TTC21B: variants seen among roughly 807,000 people sequenced by gnomAD.
TTC21B encodes the protein tetratricopeptide repeat protein 21B.
TTC21B carries 127 observed loss-of-function variants against 175.1 expected under a neutral mutation model. That is an observed-to-expected ratio of 0.73 (90% CI 0.63 to 0.84). TTC21B has a LOEUF of 0.84. TTC21B is among the 40% of genes least tolerant of loss of function. TTC21B has a pLI of 0.00. For missense variants in TTC21B, 1,561 were observed against 1,558.3 expected (o/e 1.00, Z -0.03); for synonymous variants, 524 against 524.5 (o/e 1.00, Z 0.01).
At chr2:165,920,337 A>G (rs1470234040) in intron 12 of TTC21B, among the ~76,000 whole-genome samples, 1 of 152,216 alleles carries the variant, frequency 6.6e-6, no homozygotes, top group Non-Finnish European at 1.5e-5. Context: ...GGTAACAGAC[A>G]TGCACTGAGA....
At chr2:165,946,889 T>C (rs113803722) in intron 3 of TTC21B, among the ~76,000 whole-genome samples, 3,108 of 151,998 alleles carry the variant, frequency 0.02, 112 homozygotes, top group African/African-American at 0.071. Flanking sequence ...ATTCCCAAAA[T>C]AGAAAGGCTG....
chr2:165,931,480 C>T (rs1686904258), intron 8 of TTC21B, among the ~76,000 whole-genome samples: 1 of 152,000 alleles, frequency 6.6e-6, no homozygotes, highest in Non-Finnish European at 1.5e-5. Context: ...AAATCTTATG[C>T]TCTGATGAAA....
chr2:165,917,713 A>G (rs774198929), intron 13 of TTC21B, among the ~76,000 whole-genome samples: 9 of 152,174 alleles, frequency 5.9e-5, no homozygotes, highest in Non-Finnish European at 1.3e-4. Context: ...TTGATTACAT[A>G]TTTCTACTGT....
intron 1 of TTC21B, among the ~76,000 whole-genome samples, chr2:165,950,949 T>C (rs1231947194): frequency 6.6e-6 from 1 of 152,216 alleles, no homozygotes; most frequent in Non-Finnish European, 1.5e-5. Flanking sequence ...TGGAGGGCTA[T>C]AGTCCATGTA....
chr2:165,931,841 C>T lies in TTC21B; in HGVS notation c.811G>A (p.Glu271Lys). 6.2e-7 allele frequency: 1 copy of T among 1,613,064 alleles called. No individual in the cohort carries two copies. The highest frequency in any genetic ancestry group is 1.1e-5 in the South Asian group (1 of 91,062). The stretch of plus-strand genomic sequence containing the variant: ...GCATCCAATGTATTTCCCAAGTTTT[C>T]CAGCTTGGTGGAAGCCTAAAACAAA... ...GDIEKASTKL[E>K]NLGNTLDAME... The change falls in exon 8 of 29, where the codon GAA (glutamate) becomes AAA (lysine). Residue 271 changes from glutamate to lysine, a missense_variant. Transcript: ENST00000243344.
chr2:165,922,566 C>CAAAAAAAAAAAAAAAAA lies in TTC21B; in HGVS notation c.1516+1966_1516+1982dup, dbSNP rs71031215. ...GCCGGAATAGCCACTATTAAAAAGT[C>CAAAAAAAAAAAAAAAAA]AAAAAAAAAAAAAAAAAAAAGACGT... On this transcript the variant is annotated intron_variant, in intron 12 of 28. Coordinates refer to ENST00000243344, the MANE Select transcript of TTC21B (RefSeq NM_024753.5). Among the ~76,000 whole-genome samples the CAAAAAAAAAAAAAAAAA allele has an allele frequency of 6.2e-5, 6 of 97,430 alleles. 2 individuals carry two copies. The highest frequency in any genetic ancestry group is 8.1e-5 in the Non-Finnish European group (4 of 49,144). The allele number at this position is 97,430 out of a possible 152,430, so 63.9% of individuals were successfully genotyped here. A position where few individuals can be genotyped will look rare whatever the true frequency, so the allele number is the denominator to read the frequency against.
intron 5 of TTC21B, among the ~76,000 whole-genome samples, chr2:165,942,151 T>A (rs887643802): frequency 6.6e-6 from 1 of 152,164 alleles, no homozygotes; most frequent in Non-Finnish European, 1.5e-5. Context: ...CACAAGATGT[T>A]CAACAGGCTT....
Position 165,949,613 on chromosome 2 carries a change from A to G in TTC21B, c.133T>C (p.Tyr45His). Residue 45 changes from tyrosine (Y) to histidine (H), a missense_variant, in exon 2 of 29, where the codon TAT (tyrosine) becomes CAT (histidine). Coordinates refer to ENST00000243344, the MANE Select transcript of TTC21B (RefSeq NM_024753.5). ...SDPVFRFYHA[Y>H]GTLMEGKTQE... ...CACGTACCTTCCATTAATGTGCCAT[A>G]GGCATGATAAAACCTGAAGACTGGA... The G allele has an allele frequency of 1.2e-6, 2 of 1,613,800 alleles. No homozygotes were observed. The highest frequency in any genetic ancestry group is 1.1e-5 in the South Asian group (1 of 91,074).
intron 11 of TTC21B, among the ~76,000 whole-genome samples, chr2:165,925,516 A>G (rs1321063425): frequency 6.6e-6 from 1 of 152,128 alleles, no homozygotes; most frequent in Non-Finnish European, 1.5e-5. Context: ...AAGCTCTTCA[A>G]TTGGACTGTG....
intron 4 of TTC21B, among the ~76,000 whole-genome samples, chr2:165,944,729 T>C (rs1392367647): frequency 2.0e-5 from 3 of 152,152 alleles, no homozygotes; most frequent in Non-Finnish European, 4.4e-5. Context: ...CTCCAAGCTT[T>C]TCTTCCCTTC....
chr2:165,891,080 C>T, intron 22 of TTC21B, 92 bp from the exon 23 acceptor site: 1 of 1,102,984 alleles, frequency 9.1e-7, no homozygotes, highest in Non-Finnish European at 1.3e-6. Flanking sequence ...TAATTTACTT[C>T]ATATAAAGTA....
At chr2:165,917,001 C>T (rs547604796) in intron 14 of TTC21B, among the ~76,000 whole-genome samples, 8 of 152,120 alleles carry the variant, frequency 5.3e-5, no homozygotes, top group Admixed American at 1.3e-4. Context: ...CTCAGCCTCC[C>T]GAGCAGCTGG....
At chr2:165,950,899 C>A (rs540182803) in intron 1 of TTC21B, among the ~76,000 whole-genome samples, 3 of 152,170 alleles carry the variant, frequency 2.0e-5, no homozygotes, top group Non-Finnish European at 4.4e-5. Context: ...TGAGCCACCA[C>A]GCCCGTCCGA....
chr2:165,911,274 A>C, intron 18 of TTC21B, 53 bp downstream of exon 18: 1 of 1,605,912 alleles, frequency 6.2e-7, no homozygotes, highest in South Asian at 1.1e-5. Flanking sequence ...CAATATAAAA[A>C]TAAAATGGAT....
intron 20 of TTC21B, among the ~76,000 whole-genome samples, chr2:165,900,140 T>C (rs1685508400): frequency 6.6e-6 from 1 of 151,208 alleles, no homozygotes; most frequent in African/African-American, 2.4e-5. Flanking sequence ...AAAAGAACAC[T>C]GGTCTTAAAA....
In TTC21B at chr2:165,930,357, C is replaced by T. The variant is rs747866883; in HGVS notation, c.902G>A (p.Arg301His). 41 of 1,607,466 alleles carry T rather than the reference C, an allele frequency of 2.6e-5. No individual in the cohort carries two copies. Among genetic ancestry groups the T allele is most frequent in the South Asian group, 6.7e-5 (6 of 90,174 alleles). Residue 301 changes from arginine to histidine, a missense_variant, in exon 9 of 29, where the codon CGT (arginine) becomes CAT (histidine). Transcript: ENST00000243344. ...AATTTTTTGAAGAATAAGTTGACTA[C>T]GTCCACACTAAAAAGAAAAAAAAAT... ...ITLAFSRTCG[R>H]SQLILQKIQT...
intron 19 of TTC21B, 58 bp downstream of exon 19, chr2:165,907,620 A>G: frequency 8.7e-7 from 1 of 1,148,176 alleles, no homozygotes; most frequent in Non-Finnish European, 1.3e-6. Flanking sequence ...TACATGGCAT[A>G]TTTCCTTCTG....
intron 8 of TTC21B, 111 bp from the exon 9 acceptor site, chr2:165,930,475 A>G: frequency 1.4e-6 from 1 of 711,640 alleles, no homozygotes; most frequent in African/African-American, 1.8e-5. Flanking sequence ...GGAGTGATGA[A>G]AAAGAAAAAA....
chr2:165,945,401 T>C, intron 4 of TTC21B, 123 bp downstream of exon 4: 2 of 871,310 alleles, frequency 2.3e-6, no homozygotes, highest in Non-Finnish European at 3.6e-6. Flanking sequence ...AAAATAAAGC[T>C]GTTATTTACA....
Sources: gnomAD v4.1 joint callset for allele counts (sites outside exome capture counted in the v4.1 genomes callset) on GRCh38, gnomAD v4.1.1 for gene constraint, MANE v1.5 for transcripts, NCBI Gene and HGNC (gene_info 2026-07-23, HGNC 2026-07-21) for gene names.